RBM20: variants seen among roughly 807,000 people sequenced by gnomAD.
The protein encoded by RBM20 is RNA-binding protein 20.
Under a neutral mutation model 110.1 loss-of-function variants are expected in RBM20, and 51 were observed. That is an observed-to-expected ratio of 0.46 (90% CI 0.37 to 0.59). The LOEUF (loss-of-function observed/expected upper bound fraction) is 0.59. RBM20 is among the 20% of genes least tolerant of loss of function. RBM20 has a pLI of 0.00. For missense variants in RBM20, 1,512 were observed against 1,574.9 expected, an observed-to-expected ratio of 0.96 and a Z score of 0.68; for synonymous variants, 589 against 618.2, an observed-to-expected ratio of 0.95 and a Z score of 0.70.
chr10:110,671,647 T>A (rs955954458), intron 1 of RBM20, among the ~76,000 whole-genome samples: 2 of 152,192 alleles, frequency 1.3e-5, no homozygotes, highest in Admixed American at 6.5e-5. Flanking sequence ...CAAAGTATTA[T>A]GCATTGTGCG....
chr10:110,659,739 C>G (rs1232062425), intron 1 of RBM20, among the ~76,000 whole-genome samples: 1 of 151,136 alleles, frequency 6.6e-6, no homozygotes, highest in Non-Finnish European at 1.5e-5. Context: ...TCTTTCCTTT[C>G]CTCTTCCTCT....
intron 1 of RBM20, among the ~76,000 whole-genome samples, chr10:110,729,806 C>A (rs1843601519): frequency 6.6e-6 from 1 of 152,140 alleles, no homozygotes; most frequent in Non-Finnish European, 1.5e-5. Context: ...ACATTAATGT[C>A]ATTTCTTCCC....
At chr10:110,695,378 A>G (rs765773098) in intron 1 of RBM20, among the ~76,000 whole-genome samples, 46 of 152,204 alleles carry the variant, frequency 3.0e-4, no homozygotes, top group Non-Finnish European at 5.7e-4. Flanking sequence ...GTAACTGAAT[A>G]TGTCGGAAGG....
At chr10:110,743,452 T>A (rs1843743862) in intron 1 of RBM20, among the ~76,000 whole-genome samples, 3 of 152,184 alleles carry the variant, frequency 2.0e-5, no homozygotes, top group Non-Finnish European at 4.4e-5. Context: ...CACTTTTTAT[T>A]TGTTAATTAC....
intron 9 of RBM20, among the ~76,000 whole-genome samples, chr10:110,815,332 C>T (rs560028232): frequency 6.6e-6 from 1 of 152,218 alleles, no homozygotes; most frequent in Admixed American, 6.5e-5. Flanking sequence ...TCTTTTTTTG[C>T]CCATTACAAA....
chr10:110,764,232 C>G (rs1241526208), intron 1 of RBM20, among the ~76,000 whole-genome samples: 1 of 151,920 alleles, frequency 6.6e-6, no homozygotes, highest in Non-Finnish European at 1.5e-5. Context: ...TCTTCAGGAC[C>G]AAATTTTCAC....
rs147160035 is a variant in RBM20 at position 110,685,176 on chromosome 10, T to C, written c.191+40531T>C. On this transcript the variant is annotated intron_variant, in intron 1 of 13. Coordinates refer to ENST00000369519, the MANE Select transcript of RBM20 (RefSeq NM_001134363.3). ...TTCACACGCGACCTTACGCATTCCTTGTCATCTTGTCCTTGGCGGGCCTGT... is the reference window on the plus strand; with the variant it reads ...TTCACACGCGACCTTACGCATTCCTCGTCATCTTGTCCTTGGCGGGCCTGT... Among the ~76,000 whole-genome samples the C allele has an allele frequency of 3.1e-3, 471 of 152,334 alleles. 1 individual carries two copies. Among genetic ancestry groups the C allele is most frequent in the Middle Eastern group, 6.8e-3 (2 of 294 alleles).
At chr10:110,811,081 G>T (rs1844762189) in intron 8 of RBM20, among the ~76,000 whole-genome samples, 1 of 152,220 alleles carries the variant, frequency 6.6e-6, no homozygotes, top group South Asian at 2.1e-4. Context: ...TACAAAGACA[G>T]TTCCTGAAGA....
chr10:110,819,922 G>C, intron 9 of RBM20, 150 bp from the exon 10 acceptor site: 1 of 507,418 alleles, frequency 2.0e-6, no homozygotes, highest in Non-Finnish European at 3.5e-6. Flanking sequence ...GCTGATAGCA[G>C]CTGCCTCCAA....
chr10:110,688,822 C>T (rs893614724), intron 1 of RBM20, among the ~76,000 whole-genome samples: 6 of 152,132 alleles, frequency 3.9e-5, no homozygotes, highest in African/African-American at 1.4e-4. Flanking sequence ...AGTTTTCCCA[C>T]CAATGTCCTT....
At chr10:110,824,544 A>C (rs1327793112) in intron 12 of RBM20, among the ~76,000 whole-genome samples, 1 of 152,114 alleles carries the variant, frequency 6.6e-6, no homozygotes, top group South Asian at 2.1e-4. Flanking sequence ...TCTGTAATTT[A>C]GACAGCGATT....
intron 1 of RBM20, among the ~76,000 whole-genome samples, chr10:110,738,697 C>A (rs768017693): frequency 3.3e-5 from 5 of 151,934 alleles, no homozygotes; most frequent in Admixed American, 6.6e-5. Flanking sequence ...GGAGAGTATA[C>A]CAGGGTACGG....
Position 110,781,864 on chromosome 10 carries a change from A to G in RBM20, c.1255A>G (p.Lys419Glu). ...GCCGCATATCTGTAGCATCTGTGAC[A>G]AGAAGGTGTTTGATTTGAAGGTGAG... is the stretch of plus-strand genomic sequence containing the variant. ...HLPHICSICD[K>E]KVFDLKDWEL... Residue 419 changes from lysine (K) to glutamate (E), a missense_variant, in exon 2 of 14, where the codon AAG (lysine) becomes GAG (glutamate). Physicochemically the swap from Lys to Glu is moderately conservative, Grantham distance 56. This residue lies in a region of RBM20 where 1,149 missense variants were observed against 1,169.4 expected (regional missense o/e 0.98). Transcript: ENST00000369519. 6.4e-7 allele frequency: 1 copy of G among 1,551,690 alleles called. No homozygotes were observed. The highest frequency in any genetic ancestry group is 8.7e-7 in the Non-Finnish European group (1 of 1,147,012).
chr10:110,817,915 G>T (rs1359304301), intron 9 of RBM20, among the ~76,000 whole-genome samples: 1 of 152,230 alleles, frequency 6.6e-6, no homozygotes, highest in Non-Finnish European at 1.5e-5. Context: ...GCAGGGCCTT[G>T]TAGGCAGGTT....
chr10:110,783,495 T>C, intron 3 of RBM20, 68 bp downstream of exon 3: 1 of 1,253,500 alleles, frequency 8.0e-7, no homozygotes, highest in South Asian at 1.3e-5. Context: ...ATTTACTGTG[T>C]GTCACACGCT....
At chr10:110,831,238 G>A (rs897213830) in intron 13 of RBM20, 56 bp downstream of exon 13, 14 of 1,526,864 alleles carry the variant, frequency 9.2e-6, no homozygotes, top group East Asian at 5.0e-5. Context: ...CTCCATAACC[G>A]AGCCAGGTGT....
chr10:110,761,378 C>T (rs1844000662), intron 1 of RBM20: 1 of 146,170 alleles, frequency 6.8e-6, no homozygotes, highest in Non-Finnish European at 1.5e-5. Flanking sequence ...ATGGCTGTAA[C>T]TGTAATGTAT....
At chr10:110,784,929 GATT>G in intron 5 of RBM20, 40 bp downstream of exon 5, 1 of 1,232,106 alleles carries the variant, frequency 8.1e-7, no homozygotes, top group Non-Finnish European at 1.2e-6. Context: ...TAATGAAAAT[GATT>G]ATTAGTTTAT....
At chr10:110,731,953 T>C (rs11195286) in intron 1 of RBM20, among the ~76,000 whole-genome samples, 13,820 of 152,280 alleles carry the variant, frequency 0.091, 775 homozygotes, top group East Asian at 0.27. Context: ...CTCACATTCA[T>C]GGACCTTCAG....
Sources: allele counts gnomAD v4.1 joint callset (sites outside exome capture counted in the v4.1 genomes callset), GRCh38; gene constraint gnomAD v4.1.1; regional missense constraint gnomAD v4.1.1; transcripts MANE v1.5; gene names NCBI Gene and HGNC (gene_info 2026-07-23, HGNC 2026-07-21).